The following ROBO1 variants were observed in gnomAD, a reference collection of about 807,000 sequenced individuals.
ROBO1 encodes roundabout homolog 1.
Under a neutral mutation model 195.9 loss-of-function variants are expected in ROBO1, and 149 were observed. That is an observed-to-expected ratio of 0.76 (90% CI 0.67 to 0.87). The LOEUF is 0.87. Among genes scored for constraint, ROBO1 ranks in the 40% least tolerant of loss-of-function variants. ROBO1 has a pLI of 0.00. For missense variants in ROBO1, 1,933 were observed against 2,068.3 expected (o/e 0.93, Z 1.27); for synonymous variants, 816 against 733.2 (o/e 1.11, Z -1.82).
chr3:79,014,921 C>T (rs1431061209), intron 3 of ROBO1, among the ~76,000 whole-genome samples: 1 of 152,156 alleles, frequency 6.6e-6, no homozygotes, highest in Non-Finnish European at 1.5e-5. Context: ...TATCCTGTTT[C>T]CTTCCCACAG....
At chr3:79,489,861 C>T (rs946355556) in intron 2 of ROBO1, among the ~76,000 whole-genome samples, 1 of 152,010 alleles carries the variant, frequency 6.6e-6, no homozygotes, top group African/African-American at 2.4e-5. Context: ...TGTGCAGCTG[C>T]AATACAGTAT....
chr3:79,558,970 G>T (rs1366588459), intron 2 of ROBO1, among the ~76,000 whole-genome samples: 1 of 152,112 alleles, frequency 6.6e-6, no homozygotes. Flanking sequence ...ATTAGCTTGT[G>T]GCTTTTTCAA....
chr3:79,616,066 C>T (rs1944809737), intron 1 of ROBO1, among the ~76,000 whole-genome samples: 2 of 152,096 alleles, frequency 1.3e-5, no homozygotes, highest in South Asian at 4.1e-4. Flanking sequence ...TGCTGACAGC[C>T]AAATTGTTGG....
intron 2 of ROBO1, among the ~76,000 whole-genome samples, chr3:79,336,901 T>C (rs2034694632): frequency 1.3e-5 from 2 of 152,324 alleles, no homozygotes; most frequent in Non-Finnish European, 1.5e-5. Context: ...ATGTGAGACA[T>C]GGTGTCAAAG....
intron 3 of ROBO1, among the ~76,000 whole-genome samples, chr3:79,039,548 AAC>A (rs2108327048): frequency 6.6e-6 from 1 of 152,248 alleles, no homozygotes; most frequent in African/African-American, 2.4e-5. Context: ...CTGTAATCCT[AAC>A]ACTTTGGGAG....
intron 15 of ROBO1, 101 bp downstream of exon 15, chr3:78,661,892 C>G: frequency 1.5e-6 from 2 of 1,312,364 alleles, no homozygotes; most frequent in Non-Finnish European, 2.1e-6. Context: ...ATAAAGTTAT[C>G]ATTAATGTAC....
chr3:78,987,185 A>C (rs930196058), intron 3 of ROBO1, among the ~76,000 whole-genome samples: 1 of 151,374 alleles, frequency 6.6e-6, no homozygotes, highest in Non-Finnish European at 1.5e-5. Context: ...GGAAAGAGTA[A>C]CACGTTTTAA....
At chr3:79,406,273 A>G (rs989868909) in intron 2 of ROBO1, among the ~76,000 whole-genome samples, 2 of 151,780 alleles carry the variant, frequency 1.3e-5, no homozygotes, top group Non-Finnish European at 2.9e-5. Flanking sequence ...TCTCTAAAAA[A>G]AAAAGTTAAC....
chr3:78,655,600 C>T (rs1706958340), intron 18 of ROBO1, among the ~76,000 whole-genome samples: 2 of 152,106 alleles, frequency 1.3e-5, no homozygotes, highest in East Asian at 1.9e-4. Context: ...TATCTATTAC[C>T]GCAACTCACA....
At chr3:79,715,603 T>A (rs945469234) in intron 1 of ROBO1, among the ~76,000 whole-genome samples, 11 of 152,162 alleles carry the variant, frequency 7.2e-5, no homozygotes, top group African/African-American at 2.7e-4. Context: ...TTCATGTGAC[T>A]CACTTTATGG....
chr3:79,193,290 C>T (rs913117094), intron 2 of ROBO1, among the ~76,000 whole-genome samples: 5 of 151,538 alleles, frequency 3.3e-5, no homozygotes, highest in East Asian at 1.9e-4. Context: ...GTGTGGATGA[C>T]GTGATTATAA....
At chr3:79,461,246 C>T (rs931600065) in intron 2 of ROBO1, among the ~76,000 whole-genome samples, 11 of 152,022 alleles carry the variant, frequency 7.2e-5, no homozygotes, top group Non-Finnish European at 1.3e-4. Context: ...TCTATTTCTG[C>T]CCTGTTGCAT....
chr3:78,868,434 T>C (rs766779680), intron 4 of ROBO1, among the ~76,000 whole-genome samples: 1 of 152,044 alleles, frequency 6.6e-6, no homozygotes, highest in Non-Finnish European at 1.5e-5. Context: ...ACTTAAATAA[T>C]AACAGAAATA....
intron 1 of ROBO1, among the ~76,000 whole-genome samples, chr3:79,743,049 T>C (rs906502702): frequency 6.6e-6 from 1 of 152,236 alleles, no homozygotes; most frequent in African/African-American, 2.4e-5. Flanking sequence ...CTTTCTGAGA[T>C]AGAGCCTTGT....
intron 23 of ROBO1, among the ~76,000 whole-genome samples, chr3:78,635,379 T>G (rs541584383): frequency 6.6e-6 from 1 of 152,242 alleles, no homozygotes; most frequent in Non-Finnish European, 1.5e-5. Flanking sequence ...AAAAATGCCA[T>G]TGGTTTATAT....
At chr3:79,127,322 A>G (rs146224111) in intron 2 of ROBO1, among the ~76,000 whole-genome samples, 1 of 152,304 alleles carries the variant, frequency 6.6e-6, no homozygotes, top group African/African-American at 2.4e-5. Flanking sequence ...AACCAAATAT[A>G]AGAGGCTGTT....
intron 3 of ROBO1, among the ~76,000 whole-genome samples, chr3:78,993,418 T>G (rs558909178): frequency 6.6e-6 from 1 of 152,288 alleles, no homozygotes; most frequent in Non-Finnish European, 1.5e-5. Flanking sequence ...TGAGTCAAAT[T>G]TAGGCAGGAA....
At chr3:79,297,140 C>T (rs187820063) in intron 2 of ROBO1, among the ~76,000 whole-genome samples, 242 of 152,274 alleles carry the variant, frequency 1.6e-3, no homozygotes, top group African/African-American at 5.5e-3. Flanking sequence ...TCTCTTTCCT[C>T]TGCAAGGCTA....
At chr3:78,977,520 A>G (rs1479964885) in intron 3 of ROBO1, among the ~76,000 whole-genome samples, 2 of 151,836 alleles carry the variant, frequency 1.3e-5, no homozygotes, top group African/African-American at 4.8e-5. Context: ...CCTTAAGAAC[A>G]GGAACAGAAA....
Sources: allele counts gnomAD v4.1 joint callset (sites outside exome capture counted in the v4.1 genomes callset), GRCh38; gene constraint gnomAD v4.1.1; transcripts MANE v1.5; gene names NCBI Gene and HGNC (gene_info 2026-07-23, HGNC 2026-07-21).